CNTNAP2: variants seen among roughly 807,000 people sequenced by gnomAD.
The protein encoded by CNTNAP2 is contactin associated protein 2.
Under a neutral mutation model 155.2 loss-of-function variants are expected in CNTNAP2, and 98 were observed. The observed-to-expected ratio is 0.63, with a 90% CI of 0.54 to 0.75. CNTNAP2 has a LOEUF of 0.75. Ranked by LOEUF, CNTNAP2 falls within the 30% of genes least tolerant of loss-of-function variation. The pLI, the probability that CNTNAP2 is intolerant of heterozygous loss-of-function variation, is 0.00. For synonymous variants in CNTNAP2, 651 were observed against 631.2 expected, an observed-to-expected ratio of 1.03 and a Z score of -0.47; for missense variants, 1,727 against 1,688.1, an observed-to-expected ratio of 1.02 and a Z score of -0.40.
At chr7:147,449,171 C>G (rs554035901) in intron 10 of CNTNAP2, among the ~76,000 whole-genome samples, 16 of 152,216 alleles carry the variant, frequency 1.1e-4, no homozygotes, top group Admixed American at 3.3e-4. Context: ...TGTTCTCTGG[C>G]TATTTAAATT....
At chr7:146,305,488 C>T (rs56380943) in intron 1 of CNTNAP2, among the ~76,000 whole-genome samples, 1,945 of 152,140 alleles carry the variant, frequency 0.013, 47 homozygotes, top group African/African-American at 0.045. Flanking sequence ...TCTTAGCTTT[C>T]CTTCTAACAT....
intron 1 of CNTNAP2, among the ~76,000 whole-genome samples, chr7:146,589,549 T>C (rs948310291): frequency 6.6e-6 from 1 of 150,530 alleles, no homozygotes; most frequent in Non-Finnish European, 1.5e-5. Flanking sequence ...AGTTGAACAG[T>C]GAGAACACAT....
intron 1 of CNTNAP2, among the ~76,000 whole-genome samples, chr7:146,381,094 G>C (rs10233973): frequency 0.069 from 10,419 of 151,962 alleles, 788 homozygotes; most frequent in African/African-American, 0.19. Context: ...CACCGCGCCC[G>C]GCCTGCACGT....
chr7:146,690,340 T>A (rs982039361), intron 1 of CNTNAP2, among the ~76,000 whole-genome samples: 1 of 152,268 alleles, frequency 6.6e-6, no homozygotes, highest in East Asian at 1.9e-4. Flanking sequence ...CAGTGATTGG[T>A]CACTGCACAT....
At chr7:146,994,631 C>A (rs1798273675) in intron 3 of CNTNAP2, among the ~76,000 whole-genome samples, 1 of 151,888 alleles carries the variant, frequency 6.6e-6, no homozygotes, top group African/African-American at 2.4e-5. Context: ...TCCTCTATCC[C>A]AAGAATGTAA....
chr7:147,382,122 C>G (rs1796547218), intron 9 of CNTNAP2, among the ~76,000 whole-genome samples: 1 of 151,960 alleles, frequency 6.6e-6, no homozygotes, highest in Non-Finnish European at 1.5e-5. Context: ...TTGTAAATCA[C>G]TACAAACATA....
At chr7:148,092,909 A>G (rs1232871970) in intron 15 of CNTNAP2, among the ~76,000 whole-genome samples, 5 of 151,496 alleles carry the variant, frequency 3.3e-5, no homozygotes, top group African/African-American at 1.2e-4. Flanking sequence ...ACAACCACAA[A>G]GCTTTGGTCC....
chr7:148,160,658 T>C (rs962755586), intron 17 of CNTNAP2, among the ~76,000 whole-genome samples: 4 of 152,320 alleles, frequency 2.6e-5, no homozygotes, highest in East Asian at 3.9e-4. Context: ...TTCTCAAGAC[T>C]TGTGACTCCT....
chr7:146,479,499 A>G (rs1387156985), intron 1 of CNTNAP2, among the ~76,000 whole-genome samples: 1 of 152,174 alleles, frequency 6.6e-6, no homozygotes, highest in East Asian at 1.9e-4. Flanking sequence ...TTGCTTTATT[A>G]TAAAAATGAT....
At chr7:147,432,747 A>G (rs562560024) in intron 10 of CNTNAP2, among the ~76,000 whole-genome samples, 1 of 152,254 alleles carries the variant, frequency 6.6e-6, no homozygotes, top group African/African-American at 2.4e-5. Flanking sequence ...TTTCTGGAAC[A>G]TCCTGCCCAT....
At chr7:146,951,371 T>C (rs891586327) in intron 3 of CNTNAP2, among the ~76,000 whole-genome samples, 1 of 152,210 alleles carries the variant, frequency 6.6e-6, no homozygotes, top group Non-Finnish European at 1.5e-5. Context: ...AGTTTGCCCA[T>C]GTCTATATTC....
intron 1 of CNTNAP2, among the ~76,000 whole-genome samples, chr7:146,438,485 G>T (rs1796275169): frequency 6.6e-6 from 1 of 151,360 alleles, no homozygotes; most frequent in Non-Finnish European, 1.5e-5. Flanking sequence ...ATTACCTTCA[G>T]AAGTTTGGGC....
Position 146,700,341 on chromosome 7 carries a change from T to C in CNTNAP2, c.98-73930T>C, listed in dbSNP as rs1800854583. On this transcript the variant is annotated intron_variant, in intron 1 of 23. Coordinates refer to ENST00000361727, the MANE Select transcript of CNTNAP2 (RefSeq NM_014141.6). ...GATTATCTGAAGGATCTAAGAAAAATTACTAATTTTCAGTTTAGTCAGCAT... is the reference window on the plus strand; with the variant it reads ...GATTATCTGAAGGATCTAAGAAAAACTACTAATTTTCAGTTTAGTCAGCAT... Among the ~76,000 whole-genome samples the C allele has an allele frequency of 3.9e-5, 6 of 152,242 alleles. No homozygotes were observed. The South Asian group carries it at 1.0e-3, about 26-fold the overall frequency.
intron 15 of CNTNAP2, among the ~76,000 whole-genome samples, chr7:148,105,232 A>G (rs546800808): frequency 5.7e-4 from 87 of 152,350 alleles, no homozygotes; most frequent in African/African-American, 1.9e-3. Flanking sequence ...AGGAGGTGGC[A>G]TCTGAACTGA....
intron 3 of CNTNAP2, among the ~76,000 whole-genome samples, chr7:146,913,189 T>C (rs1270019879): frequency 6.6e-6 from 1 of 152,160 alleles, no homozygotes; most frequent in African/African-American, 2.4e-5. Flanking sequence ...CAGAAGCGCA[T>C]AGGGAATATG....
intron 20 of CNTNAP2, among the ~76,000 whole-genome samples, chr7:148,252,212 A>G (rs1796374839): frequency 6.6e-6 from 1 of 152,094 alleles, no homozygotes; most frequent in South Asian, 2.1e-4. Context: ...AGATCTTTTC[A>G]TCCCTTAATA....
intron 21 of CNTNAP2, among the ~76,000 whole-genome samples, chr7:148,289,726 T>C (rs75764855): frequency 0.014 from 2,083 of 152,294 alleles, 48 homozygotes; most frequent in African/African-American, 0.048. Context: ...GCCAGCTCTC[T>C]TGCTGTTGGC....
At chr7:147,394,767 G>A (rs79413577) in intron 9 of CNTNAP2, among the ~76,000 whole-genome samples, 3 of 150,652 alleles carry the variant, frequency 2.0e-5, no homozygotes, top group South Asian at 2.1e-4. Flanking sequence ...TGATTTCAAG[G>A]TTGGTGTGGG....
At chr7:147,610,831 T>C (rs13437798) in intron 12 of CNTNAP2, among the ~76,000 whole-genome samples, 3 of 152,164 alleles carry the variant, frequency 2.0e-5, no homozygotes, top group Non-Finnish European at 4.4e-5. Context: ...CTCTACTTCC[T>C]GGGCTCAAGC....
Sources: gnomAD v4.1 joint callset for allele counts (sites outside exome capture counted in the v4.1 genomes callset) on GRCh38, gnomAD v4.1.1 for gene constraint, MANE v1.5 for transcripts, NCBI Gene and HGNC (gene_info 2026-07-23, HGNC 2026-07-21) for gene names.